The following CCDC73 variants were observed in gnomAD, a reference collection of about 807,000 sequenced individuals.
CCDC73 encodes coiled-coil domain containing 73, also known as coiled-coil domain-containing protein 73.
In CCDC73, 95 loss-of-function variants were observed where a neutral mutation model predicts 116.5. That is an observed-to-expected ratio of 0.82 (90% CI 0.69 to 0.97). CCDC73 has a LOEUF of 0.97. Among genes scored for constraint, CCDC73 ranks in the 50% least tolerant of loss-of-function variants. The pLI is 0.00. For missense variants in CCDC73, 1,066 were observed against 1,206.8 expected, an observed-to-expected ratio of 0.88 and a Z score of 1.73; for synonymous variants, 398 against 401.3, an observed-to-expected ratio of 0.99 and a Z score of 0.10.
At chr11:32,788,405 T>C (rs1449581888) in intron 1 of CCDC73, among the ~76,000 whole-genome samples, 1 of 151,860 alleles carries the variant, frequency 6.6e-6, no homozygotes, top group African/African-American at 2.4e-5. Flanking sequence ...CAATAAAGAA[T>C]AACAATGATG....
At chr11:32,653,589 T>C (rs1046334842) in intron 11 of CCDC73, among the ~76,000 whole-genome samples, 2 of 152,162 alleles carry the variant, frequency 1.3e-5, no homozygotes, top group African/African-American at 4.8e-5. Flanking sequence ...TAGGGTGTCA[T>C]GGCATACATT....
At chr11:32,686,209 CAAA>C (rs34582756) in intron 6 of CCDC73, among the ~76,000 whole-genome samples, 2 of 56,854 alleles carry the variant, frequency 3.5e-5, no homozygotes, top group Non-Finnish European at 5.9e-5. Context: ...GAGGGAAAGC[CAAA>C]AAAAAAAAAA....
Position 32,699,284 on chromosome 11 carries a change from T to A in CCDC73, c.357A>T (p.Ile119=). The A allele has an allele frequency of 1.3e-6, 2 of 1,581,950 alleles. No individual in the cohort carries two copies. Among genetic ancestry groups the A allele is most frequent in the South Asian group, 2.2e-5 (2 of 88,996 alleles). Residue 119 remains isoleucine (I), a synonymous_variant, in exon 6 of 18, where the codon ATA becomes ATT. Coordinates refer to ENST00000335185, the MANE Select transcript of CCDC73 (RefSeq NM_001008391.4). ...CTTTTAATGTTTCCTTCAATCCTTC[T>A]ATTTCTTTTTCCTTTATTTCTGTAG... is the stretch of plus-strand genomic sequence containing the variant. ...QLATEIKEKE[I]EGLKETLKAL...
chr11:32,686,441 C>T (rs551379500), intron 6 of CCDC73, among the ~76,000 whole-genome samples: 1 of 151,400 alleles, frequency 6.6e-6, no homozygotes, highest in East Asian at 2.0e-4. Context: ...ATGTAGATAC[C>T]ATTTTAAAGA....
At chr11:32,764,444 C>G (rs1850422042) in intron 1 of CCDC73, among the ~76,000 whole-genome samples, 1 of 152,180 alleles carries the variant, frequency 6.6e-6, no homozygotes, top group South Asian at 2.1e-4. Context: ...CCATAAGAGA[C>G]TGTGGGCCAA....
intron 1 of CCDC73, among the ~76,000 whole-genome samples, chr11:32,793,323 C>G (rs1011779675): frequency 6.6e-6 from 1 of 152,146 alleles, no homozygotes; most frequent in Non-Finnish European, 1.5e-5. Context: ...AAACTCCATC[C>G]ACAGCGTATT....
At chr11:32,675,048 T>A (rs182822405) in intron 9 of CCDC73, among the ~76,000 whole-genome samples, 1 of 152,294 alleles carries the variant, frequency 6.6e-6, no homozygotes, top group Non-Finnish European at 1.5e-5. Context: ...TTCACCCTCT[T>A]ACCCCCAATC....
At chr11:32,630,843 G>T (rs536036632) in intron 14 of CCDC73, among the ~76,000 whole-genome samples, 2 of 151,890 alleles carry the variant, frequency 1.3e-5, no homozygotes, top group Admixed American at 1.3e-4. Flanking sequence ...ATAAGAAAAG[G>T]AAATATGACT....
intron 17 of CCDC73, among the ~76,000 whole-genome samples, chr11:32,606,664 A>G (rs1047576268): frequency 6.6e-6 from 1 of 152,324 alleles, no homozygotes; most frequent in African/African-American, 2.4e-5. Context: ...CATTTGACTA[A>G]GAGCCACAAT....
Position 32,704,348 on chromosome 11 carries a change from T to C in CCDC73, c.208-1404A>G, listed in dbSNP as rs553334794. On this transcript the variant is annotated intron_variant, in intron 3 of 17. Coordinates refer to ENST00000335185, the MANE Select transcript of CCDC73 (RefSeq NM_001008391.4). Reference sequence around the variant, plus strand: ...CCACTGTGGAGCAAAGTTGTGGACATGTCCTGATAGCCAAGCCTGGGCAAT... The same window carrying C: ...CCACTGTGGAGCAAAGTTGTGGACACGTCCTGATAGCCAAGCCTGGGCAAT... 2.6e-5 allele frequency among the ~76,000 whole-genome samples: 4 copies of C among 152,328 alleles called. No individual in the cohort carries two copies. The East Asian group carries it at 5.8e-4, about 22-fold the overall frequency.
At chr11:32,812,242 GA>G in the CCDC73 span, among the ~76,000 whole-genome samples, 1 of 152,146 alleles carries the variant, frequency 6.6e-6, no homozygotes, top group Non-Finnish European at 1.5e-5. Flanking sequence ...TTAATCTAAT[GA>G]ATGGCTGGGT....
At chr11:32,640,743 C>T (rs903706007) in intron 13 of CCDC73, among the ~76,000 whole-genome samples, 4 of 152,200 alleles carry the variant, frequency 2.6e-5, no homozygotes, top group Admixed American at 2.0e-4. Flanking sequence ...TCCGGCTGGG[C>T]GATGTGGCTC....
rs200627928 is a variant in CCDC73 at position 32,776,932 on chromosome 11, A to T, written c.-15-16674T>A. ...CTTCCTACAGAGTATGGTTAAAAAA[A>T]AAAAATATATATATATATATATATA... On this transcript the variant is annotated intron_variant, in intron 1 of 17. Transcript: ENST00000335185. Among the ~76,000 whole-genome samples the T allele has an allele frequency of 1.3e-3, 37 of 27,968 alleles. 1 individual carries two copies. Among genetic ancestry groups the T allele is most frequent in the Admixed American group, 2.5e-3 (4 of 1,620 alleles). 18.3% of individuals were successfully genotyped at this position (27,968 alleles called of 152,430 possible). A position where few individuals can be genotyped will look rare whatever the true frequency, so the allele number is the denominator to read the frequency against.
At chr11:32,699,963 AC>A (rs1214827753) in intron 5 of CCDC73, among the ~76,000 whole-genome samples, 1 of 150,938 alleles carries the variant, frequency 6.6e-6, no homozygotes, top group Non-Finnish European at 1.5e-5. Flanking sequence ...TTCCATCTGT[AC>A]TACAAATTAC....
the CCDC73 span, among the ~76,000 whole-genome samples, chr11:32,806,630 C>CA: frequency 0.32 from 40,415 of 125,364 alleles, 6,685 homozygotes; most frequent in East Asian, 0.78. Flanking sequence ...AGACCTGTCT[C>CA]AAAAAAAAAA....
intron 3 of CCDC73, among the ~76,000 whole-genome samples, chr11:32,703,747 T>A (rs1208258491): frequency 6.6e-6 from 1 of 151,264 alleles, no homozygotes; most frequent in African/African-American, 2.4e-5. Context: ...TGGAAAAAAA[T>A]CTACATATGA....
chr11:32,775,099 T>C (rs1242175254), intron 1 of CCDC73, among the ~76,000 whole-genome samples: 2 of 152,192 alleles, frequency 1.3e-5, no homozygotes, highest in African/African-American at 4.8e-5. Flanking sequence ...AATTTACCAA[T>C]AGAACTGTCT....
At chr11:32,765,851 G>C (rs1220506970) in intron 1 of CCDC73, among the ~76,000 whole-genome samples, 1 of 152,172 alleles carries the variant, frequency 6.6e-6, no homozygotes, top group Admixed American at 6.5e-5. Context: ...GGACCAGATG[G>C]ATTCACAGCC....
chr11:32,606,761 ATTACC>A (rs1855356111), intron 17 of CCDC73, among the ~76,000 whole-genome samples: 1 of 151,866 alleles, frequency 6.6e-6, no homozygotes, highest in African/African-American at 2.4e-5. Flanking sequence ...TGTAAAAAAA[ATTACC>A]TTGCCAATGA....
Sources: allele counts gnomAD v4.1 joint callset (sites outside exome capture counted in the v4.1 genomes callset), GRCh38; gene constraint gnomAD v4.1.1; transcripts MANE v1.5; gene names NCBI Gene and HGNC (gene_info 2026-07-23, HGNC 2026-07-21).